ANKRD45: variants seen among roughly 807,000 people sequenced by gnomAD.
ANKRD45 encodes the protein ankyrin repeat domain-containing protein 45.
A neutral mutation model predicts 28.1 loss-of-function variants in ANKRD45; 21 were observed. That is an observed-to-expected ratio of 0.75 (90% CI 0.53 to 1.08). The LOEUF (loss-of-function observed/expected upper bound fraction) is 1.08. Among genes scored for constraint, ANKRD45 ranks in the 50% least tolerant of loss-of-function variants. ANKRD45 has a pLI of 0.00. For missense variants in ANKRD45, 261 were observed against 308.7 expected, an observed-to-expected ratio of 0.85 and a Z score of 1.16; for synonymous variants, 86 against 103.9, an observed-to-expected ratio of 0.83 and a Z score of 1.05.
At chr1:173,666,872 C>T (rs1670045686) in intron 1 of ANKRD45, among the ~76,000 whole-genome samples, 1 of 152,150 alleles carries the variant, frequency 6.6e-6, no homozygotes, top group Non-Finnish European at 1.5e-5. Flanking sequence ...CCAACTCAGC[C>T]TTCTGAGTAG....
At chr1:173,636,758 T>C in intron 3 of ANKRD45, 3 of 1,065,626 alleles carry the variant, frequency 2.8e-6, no homozygotes, top group Non-Finnish European at 4.0e-6. Flanking sequence ...ACTATATTAT[T>C]AACTATACTA....
At chr1:173,613,725 A>G (rs947742007) in intron 5 of ANKRD45, among the ~76,000 whole-genome samples, 11 of 151,938 alleles carry the variant, frequency 7.2e-5, no homozygotes, top group Non-Finnish European at 1.6e-4. Flanking sequence ...CCTTCTGGGA[A>G]GTGAGGATCC....
chr1:173,653,992 T>C (rs1669371450), intron 2 of ANKRD45, among the ~76,000 whole-genome samples: 1 of 150,558 alleles, frequency 6.6e-6, no homozygotes, highest in South Asian at 2.1e-4. Context: ...TTTGAGCATA[T>C]GTGTGTCTCT....
intron 5 of ANKRD45, among the ~76,000 whole-genome samples, chr1:173,617,896 C>A (rs762991353): frequency 1.3e-5 from 2 of 152,170 alleles, no homozygotes; most frequent in African/African-American, 2.4e-5. Flanking sequence ...CAGGTCAATA[C>A]CCCACTGGGA....
At chr1:173,650,995 C>A (rs982951337) in intron 2 of ANKRD45, among the ~76,000 whole-genome samples, 1 of 152,108 alleles carries the variant, frequency 6.6e-6, no homozygotes, top group Non-Finnish European at 1.5e-5. Flanking sequence ...GATATTAGCC[C>A]TTTATCAGAT....
chr1:173,641,619 T>A (rs999822853), intron 3 of ANKRD45, among the ~76,000 whole-genome samples: 4 of 152,228 alleles, frequency 2.6e-5, no homozygotes, highest in Admixed American at 2.6e-4. Flanking sequence ...CTCTGCCTTA[T>A]AATTGGAGTG....
chr1:173,613,607 T>G (rs997947981), intron 5 of ANKRD45, among the ~76,000 whole-genome samples: 21 of 74,622 alleles, frequency 2.8e-4, no homozygotes, highest in Admixed American at 5.8e-4. Flanking sequence ...AGGTGGGGGG[T>G]CAGCCCACGC....
At chr1:173,611,464 T>A (rs1486223670) in intron 5 of ANKRD45, among the ~76,000 whole-genome samples, 1 of 152,110 alleles carries the variant, frequency 6.6e-6, no homozygotes, top group Non-Finnish European at 1.5e-5. Flanking sequence ...CTAGGTTAAG[T>A]GTCTTAACCT....
the ANKRD45 span, among the ~76,000 whole-genome samples, chr1:173,682,344 A>G: frequency 6.6e-6 from 1 of 152,174 alleles, no homozygotes; most frequent in Non-Finnish European, 1.5e-5. Flanking sequence ...CTCTGTTGCA[A>G]TAACTACTTA....
chr1:173,620,335 C>A (rs969057470), intron 5 of ANKRD45, among the ~76,000 whole-genome samples: 3 of 152,196 alleles, frequency 2.0e-5, no homozygotes, highest in South Asian at 4.1e-4. Context: ...AATTGAACAA[C>A]CTGCTCCTGA....
rs1667023812 is a variant in ANKRD45 at position 173,608,743 on chromosome 1, A to T, written c.*1402T>A. Among the ~76,000 whole-genome samples, 1 of 149,078 alleles carries T rather than the reference A, an allele frequency of 6.7e-6. No homozygotes were observed. Among genetic ancestry groups the T allele is most frequent in the Admixed American group, 6.7e-5 (1 of 14,842 alleles). ...ATTCCAGCCTGGGCAGGAGAGGCAG[A>T]CCCTGTCAAGAAGGTTGCGGGGGTG... is the stretch of plus-strand genomic sequence containing the variant. On this transcript the variant is annotated 3_prime_UTR_variant, in exon 6 of 6. Transcript: ENST00000333279.
At chr1:173,653,848 T>C (rs1190517410) in intron 2 of ANKRD45, among the ~76,000 whole-genome samples, 2 of 152,168 alleles carry the variant, frequency 1.3e-5, no homozygotes, top group Admixed American at 6.5e-5. Flanking sequence ...TTTACCATTA[T>C]GTAATAGCCT....
At chr1:173,619,004 T>C (rs1012540177) in intron 5 of ANKRD45, among the ~76,000 whole-genome samples, 2 of 152,150 alleles carry the variant, frequency 1.3e-5, no homozygotes, top group African/African-American at 2.4e-5. Context: ...AAGAAAAGAA[T>C]TTCCAACCCA....
the ANKRD45 span, among the ~76,000 whole-genome samples, chr1:173,699,275 C>G: frequency 6.6e-6 from 1 of 152,188 alleles, no homozygotes; most frequent in Admixed American, 6.5e-5. Context: ...CCTTCTGAAA[C>G]TATTCCAATC....
chr1:173,710,499 G>T, the ANKRD45 span, among the ~76,000 whole-genome samples: 4,750 of 152,232 alleles, frequency 0.031, 105 homozygotes, highest in Non-Finnish European at 0.045. Flanking sequence ...TTCCCTTGGG[G>T]TGGGTTGTCC....
At chr1:173,635,279 T>C (rs1228337026) in intron 3 of ANKRD45, 2 of 404,764 alleles carry the variant, frequency 4.9e-6, no homozygotes. Flanking sequence ...ACTGAACTTA[T>C]CCCTGAGTCA....
At chr1:173,688,987 C>T in the ANKRD45 span, among the ~76,000 whole-genome samples, 28 of 152,262 alleles carry the variant, frequency 1.8e-4, no homozygotes, top group Middle Eastern at 6.8e-3. Flanking sequence ...GAGCAAGCAG[C>T]GCCTGAATCG....
At chr1:173,700,125 G>A in the ANKRD45 span, among the ~76,000 whole-genome samples, 1 of 152,112 alleles carries the variant, frequency 6.6e-6, no homozygotes, top group Non-Finnish European at 1.5e-5. Flanking sequence ...GAATGTGAAG[G>A]ACCTCTTCAA....
chr1:173,695,503 C>T, the ANKRD45 span, among the ~76,000 whole-genome samples: 2 of 152,038 alleles, frequency 1.3e-5, no homozygotes, highest in Admixed American at 1.3e-4. Context: ...TGGCTTGGAC[C>T]GCATCCACGT....
Sources: gnomAD v4.1 joint callset for allele counts (sites outside exome capture counted in the v4.1 genomes callset) on GRCh38, gnomAD v4.1.1 for gene constraint, MANE v1.5 for transcripts, NCBI Gene and HGNC (gene_info 2026-07-23, HGNC 2026-07-21) for gene names.